GFOD2: variants seen among roughly 807,000 people sequenced by gnomAD.
The protein encoded by GFOD2 is Gfo/Idh/MocA-like oxidoreductase domain containing 2.
In GFOD2, 9 loss-of-function variants were observed where a neutral mutation model predicts 24.6. The ratio of observed to expected loss-of-function variants is 0.37; its 90% CI spans 0.22 to 0.64. The LOEUF (loss-of-function observed/expected upper bound fraction) is 0.64, where lower values mean the gene tolerates loss of function less well. Ranked by LOEUF, GFOD2 falls within the 30% of genes least tolerant of loss-of-function variation. GFOD2 has a pLI of 0.65. For synonymous variants in GFOD2, 211 were observed against 224.8 expected, an observed-to-expected ratio of 0.94 and a Z score of 0.55; for missense variants, 476 against 532.5, an observed-to-expected ratio of 0.89 and a Z score of 1.04.
intron 1 of GFOD2, among the ~76,000 whole-genome samples, chr16:67,689,795 T>C (rs1047439039): frequency 3.9e-5 from 6 of 152,266 alleles, no homozygotes; most frequent in Non-Finnish European, 7.3e-5. Flanking sequence ...AAAAACTCAT[T>C]AAATAATACC....
chr16:67,717,202 T>G (rs974075738), intron 1 of GFOD2, among the ~76,000 whole-genome samples: 12 of 152,186 alleles, frequency 7.9e-5, no homozygotes, highest in East Asian at 5.8e-4. Context: ...GGCCCAAAGC[T>G]TTCTTCTTTA....
intron 2 of GFOD2, chr16:67,683,995 G>T: frequency 1.4e-6 from 1 of 724,566 alleles, no homozygotes; most frequent in Non-Finnish European, 1.7e-6. Context: ...AAAATCTGAA[G>T]ACAGGGAGGG....
chr16:67,681,281 G>C, intron 2 of GFOD2: 1 of 985,474 alleles, frequency 1.0e-6, no homozygotes, highest in South Asian at 4.7e-5. Flanking sequence ...GTGAGGCAGA[G>C]AGGAGGTGGG....
chr16:67,711,405 G>C (rs189379091), intron 1 of GFOD2, among the ~76,000 whole-genome samples: 2 of 152,048 alleles, frequency 1.3e-5, no homozygotes, highest in Admixed American at 6.5e-5. Context: ...ACCACTTCTC[G>C]GTTCCTTCTG....
chr16:67,719,064 C>T (rs1024463657), intron 1 of GFOD2, 99 bp downstream of exon 1: 1 of 152,308 alleles, frequency 6.6e-6, no homozygotes, highest in Non-Finnish European at 1.5e-5. Context: ...ACGCCTCCAA[C>T]CTCCGGCGCC....
At chr16:67,696,221 G>C (rs1328492461) in intron 1 of GFOD2, among the ~76,000 whole-genome samples, 2 of 151,506 alleles carry the variant, frequency 1.3e-5, no homozygotes, top group Non-Finnish European at 2.9e-5. Flanking sequence ...CACCATGTTG[G>C]ACAGGATGGT....
At chr16:67,680,668 A>G (rs1274880422) in intron 2 of GFOD2, 1 of 962,690 alleles carries the variant, frequency 1.0e-6, no homozygotes, top group Non-Finnish European at 1.2e-6. Context: ...AACTCCCAGG[A>G]TTACAAACCT....
At position 67,675,226 on chromosome 16, in the gene GFOD2, C is replaced by G. The variant is rs753300498; in HGVS notation, c.1087G>C (p.Val363Leu). The part of the protein sequence containing the change: ...RSSRSGEWEA[V>L]EVLTEEPDTN... ...TCGGGCTCCTCCGTCAGCACCTCCA[C>G]AGCCTCCCACTCCCCGGATCGGCTC... Residue 363 changes from valine to leucine, a missense_variant, in exon 3 of 3, where the codon GTG becomes CTG. Coordinates refer to ENST00000268797, the MANE Select transcript of GFOD2 (RefSeq NM_030819.4). 1 of 1,613,772 alleles carries G rather than the reference C, an allele frequency of 6.2e-7. No individual in the cohort carries two copies. The highest frequency in any genetic ancestry group is 8.5e-7 in the Non-Finnish European group (1 of 1,180,044).
intron 1 of GFOD2, among the ~76,000 whole-genome samples, chr16:67,699,334 C>T (rs9939085): frequency 0.12 from 18,678 of 151,718 alleles, 2,202 homozygotes; most frequent in African/African-American, 0.31. Context: ...CAGAGCAAGA[C>T]TTCATCTCTA....
At chr16:67,700,645 G>A (rs1567659774) in intron 1 of GFOD2, among the ~76,000 whole-genome samples, 1 of 151,524 alleles carries the variant, frequency 6.6e-6, no homozygotes, top group Non-Finnish European at 1.5e-5. Context: ...TCGTGAGGTA[G>A]AGGTTGCAGT....
intron 1 of GFOD2, among the ~76,000 whole-genome samples, chr16:67,692,395 A>G (rs1250202777): frequency 1.3e-5 from 2 of 152,040 alleles, no homozygotes; most frequent in Non-Finnish European, 1.5e-5. Flanking sequence ...CCTGATCAAC[A>G]TGGCAAAACC....
intron 2 of GFOD2, chr16:67,681,648 G>A (rs1044750892): frequency 7.3e-6 from 6 of 826,726 alleles, no homozygotes; most frequent in Admixed American, 6.2e-5. Context: ...GAGTTCAAGC[G>A]ATCTGCCCAC....
chr16:67,681,670 A>G (rs1416738481), intron 2 of GFOD2: 1 of 964,592 alleles, frequency 1.0e-6, no homozygotes, highest in Non-Finnish European at 1.2e-6. Context: ...TTGGCCTCCC[A>G]AAGTGCTGGA....
At chr16:67,689,848 C>G (rs538169360) in intron 1 of GFOD2, among the ~76,000 whole-genome samples, 1 of 152,158 alleles carries the variant, frequency 6.6e-6, no homozygotes, top group African/African-American at 2.4e-5. Flanking sequence ...CCACTACCCC[C>G]GCCCCAGCCC....
intron 1 of GFOD2, among the ~76,000 whole-genome samples, chr16:67,711,210 A>C (rs563537180): frequency 3.3e-5 from 5 of 152,358 alleles, no homozygotes; most frequent in Non-Finnish European, 5.9e-5. Flanking sequence ...AAATCATACT[A>C]CAAATAACCA....
Position 67,685,556 on chromosome 16 carries a change from T to C in GFOD2, c.160A>G (p.Thr54Ala). Residue 54 changes from threonine to alanine, a missense_variant, in exon 2 of 3, where the codon ACC becomes GCC. By Grantham distance (58) the Thr-to-Ala change is moderately conservative. Coordinates refer to ENST00000268797, the MANE Select transcript of GFOD2 (RefSeq NM_030819.4). Reference sequence around the variant, plus strand: ...AGCAAGATGTCATCAGTCCGGCTGGTGTAGAAGGCGATGTTCATCTCCTCA... The same window carrying C: ...AGCAAGATGTCATCAGTCCGGCTGGCGTAGAAGGCGATGTTCATCTCCTCA... ...LAEEMNIAFY[T>A]SRTDDILLHQ... The C allele has an allele frequency of 1.2e-6, 2 of 1,614,154 alleles. No individual in the cohort carries two copies. The highest frequency in any genetic ancestry group is 1.7e-6 in the Non-Finnish European group (2 of 1,180,022).
chr16:67,675,271 C>A lies in GFOD2; in HGVS notation c.1042G>T (p.Val348Leu). The A allele has an allele frequency of 1.2e-6, 2 of 1,613,014 alleles. No individual in the cohort carries two copies. Among genetic ancestry groups the A allele is most frequent in the Non-Finnish European group, 1.7e-6 (2 of 1,180,036 alleles). The change falls in exon 3 of 3, where the codon GTG becomes TTG. Residue 348 changes from valine to leucine, a missense_variant. By Grantham distance (32) the Val-to-Leu change is conservative. Transcript: ENST00000268797. ...FEDGLYMQSV[V>L]DAIKRSSRSG... ...CGGCTCGACCTCTTGATGGCATCCACCACGCTCTGCATGTACAGCCCATCC... is the reference window on the plus strand; with the variant it reads ...CGGCTCGACCTCTTGATGGCATCCAACACGCTCTGCATGTACAGCCCATCC...
intron 1 of GFOD2, among the ~76,000 whole-genome samples, chr16:67,693,824 G>A (rs1008561991): frequency 2.6e-5 from 4 of 152,012 alleles, no homozygotes; most frequent in Non-Finnish European, 4.4e-5. Flanking sequence ...GGAGGCTGAG[G>A]TGGGAGGATT....
chr16:67,705,792 T>C (rs2053434765), intron 1 of GFOD2, among the ~76,000 whole-genome samples: 1 of 151,286 alleles, frequency 6.6e-6, no homozygotes. Context: ...TACAAAAAAT[T>C]AGCTGGGCAC....
Sources: allele counts gnomAD v4.1 joint callset (sites outside exome capture counted in the v4.1 genomes callset), GRCh38; gene constraint gnomAD v4.1.1; transcripts MANE v1.5; gene names NCBI Gene and HGNC (gene_info 2026-07-23, HGNC 2026-07-21).